Variants in FAM81A observed in about 807,000 individuals in gnomAD.
FAM81A encodes the protein protein FAM81A.
A neutral mutation model predicts 46.7 loss-of-function variants in FAM81A; 19 were observed. The ratio of observed to expected loss-of-function variants is 0.41; its 90% CI spans 0.28 to 0.60. The LOEUF (loss-of-function observed/expected upper bound fraction) is 0.60, where lower values mean the gene tolerates loss of function less well. Among genes scored for constraint, FAM81A ranks in the 20% least tolerant of loss-of-function variants. The probability of loss-of-function intolerance (pLI) is 0.34; values close to 1 mark genes in which losing one functional copy is unlikely to be tolerated. For synonymous variants in FAM81A, 183 were observed against 152.9 expected (o/e 1.20, Z -1.45); for missense variants, 377 against 453.5 (o/e 0.83, Z 1.53).
At chr15:59,445,893 C>CATA (rs1306244829) in intron 1 of FAM81A, among the ~76,000 whole-genome samples, 1 of 152,132 alleles carries the variant, frequency 6.6e-6, no homozygotes, top group Non-Finnish European at 1.5e-5. Flanking sequence ...TGCTGTTGAT[C>CATA]ATAATAAAAC....
rs1175997403 is a variant in FAM81A, at chr15:59,502,151, AT to A, written c.414-5055del. On this transcript the variant is annotated intron_variant, in intron 4 of 8. Coordinates refer to ENST00000288228, the MANE Select transcript of FAM81A (RefSeq NM_152450.3). ...AGTAAGAACATTATTTTTATTTTTT[AT>A]TTTTTTCTTTTTCTTTTTCTTTTTT... is the stretch of plus-strand genomic sequence containing the variant. 7.1e-4 allele frequency among the ~76,000 whole-genome samples: 104 copies of A among 145,928 alleles called. No homozygotes were observed. In the East Asian group the frequency reaches 0.015, roughly 21 times the overall value.
At chr15:59,451,555 T>C (rs2081419174) in intron 1 of FAM81A, among the ~76,000 whole-genome samples, 1 of 151,934 alleles carries the variant, frequency 6.6e-6, no homozygotes, top group South Asian at 2.1e-4. Flanking sequence ...TGGGTTCAAG[T>C]GATTCTTCTG....
intron 4 of FAM81A, among the ~76,000 whole-genome samples, chr15:59,506,602 G>A (rs553857030): frequency 6.6e-6 from 1 of 152,120 alleles, no homozygotes; most frequent in Non-Finnish European, 1.5e-5. Context: ...ACTCTTATGG[G>A]TCCATTCTGT....
chr15:59,492,121 C>G, intron 3 of FAM81A, 150 bp from the exon 4 acceptor site: 3 of 602,812 alleles, frequency 5.0e-6, no homozygotes, highest in South Asian at 4.2e-5. Flanking sequence ...CCCTAGTTCT[C>G]TGTTTAAGTG....
At chr15:59,424,643 A>G (rs1191560351) in intron 2 of FAM81A, among the ~76,000 whole-genome samples, 3 of 152,316 alleles carry the variant, frequency 2.0e-5, no homozygotes, top group Admixed American at 6.5e-5. Context: ...TGGCATCATT[A>G]TTTACCTATT....
intron 3 of FAM81A, among the ~76,000 whole-genome samples, chr15:59,473,615 C>T (rs1374369970): frequency 6.6e-6 from 1 of 152,162 alleles, no homozygotes; most frequent in African/African-American, 2.4e-5. Flanking sequence ...GCTCTGTTCC[C>T]TTTGCTTACG....
chr15:59,445,285 C>T (rs2081342462), intron 1 of FAM81A: 2 of 152,184 alleles, frequency 1.3e-5, no homozygotes, highest in Admixed American at 1.3e-4. Flanking sequence ...GCTGCCGTCG[C>T]TGAGTGTGGC....
chr15:59,434,709 A>G (rs2081235433), upstream of FAM81A, among the ~76,000 whole-genome samples: 1 of 152,218 alleles, frequency 6.6e-6, no homozygotes, highest in East Asian at 1.9e-4. Flanking sequence ...GAGAATGAAC[A>G]ACGTGTAACA....
chr15:59,401,797 T>C, intron 1 of FAM81A: 1 of 742,032 alleles, frequency 1.3e-6, no homozygotes, highest in East Asian at 2.4e-5. Context: ...GTGTTTCTCT[T>C]TTCATGCATC....
At chr15:59,514,489 A>G (rs1251006608) in intron 7 of FAM81A, 65 bp downstream of exon 7, 7 of 1,514,452 alleles carry the variant, frequency 4.6e-6, no homozygotes, top group Non-Finnish European at 6.2e-6. Flanking sequence ...CTGTTTGAAT[A>G]ATAATACCTA....
chr15:59,407,025 G>T (rs2081098113), intron 2 of FAM81A: 2 of 166,396 alleles, frequency 1.2e-5, no homozygotes. Flanking sequence ...GAGAGCCACA[G>T]ACTTGGGAGC....
intron 2 of FAM81A, among the ~76,000 whole-genome samples, chr15:59,422,488 A>T (rs553258354): frequency 4.6e-4 from 70 of 151,930 alleles, no homozygotes; most frequent in Non-Finnish European, 6.9e-4. Context: ...TTATTTATTT[A>T]TTTTTTGAGG....
intron 8 of FAM81A, among the ~76,000 whole-genome samples, chr15:59,518,562 G>A (rs376648004): frequency 6.6e-6 from 1 of 152,126 alleles, no homozygotes; most frequent in African/African-American, 2.4e-5. Flanking sequence ...CTGGCCTCAA[G>A]CAGTCCTCTT....
At chr15:59,407,387 TG>T in intron 2 of FAM81A, 1 of 144,906 alleles carries the variant, frequency 6.9e-6, no homozygotes, top group South Asian at 2.3e-4. Context: ...CTCCACCTCC[TG>T]GGTTCACGCT....
intron 4 of FAM81A, among the ~76,000 whole-genome samples, chr15:59,495,122 C>T (rs1346904593): frequency 6.6e-6 from 1 of 152,156 alleles, no homozygotes; most frequent in African/African-American, 2.4e-5. Context: ...GTAGTCATCA[C>T]CACAATCGAT....
intron 1 of FAM81A, among the ~76,000 whole-genome samples, chr15:59,451,363 G>A (rs2081416288): frequency 6.6e-6 from 1 of 152,164 alleles, no homozygotes; most frequent in African/African-American, 2.4e-5. Context: ...TACGGCTAAT[G>A]TCACTGGACC....
At chr15:59,437,277 G>A (rs760172647), upstream of FAM81A, among the ~76,000 whole-genome samples, 7 of 151,966 alleles carry the variant, frequency 4.6e-5, no homozygotes, top group Non-Finnish European at 1.0e-4. Context: ...GGCGGGGTGG[G>A]GGAGACAGAC....
At chr15:59,440,499 A>C (rs557971560) in intron 1 of FAM81A, among the ~76,000 whole-genome samples, 1 of 152,200 alleles carries the variant, frequency 6.6e-6, no homozygotes. Flanking sequence ...GTCTCTTGCC[A>C]GTGACTTTGG....
chr15:59,479,206 T>C (rs1255061214), intron 3 of FAM81A, among the ~76,000 whole-genome samples: 1 of 152,038 alleles, frequency 6.6e-6, no homozygotes, highest in Non-Finnish European at 1.5e-5. Flanking sequence ...AGAGTGACTG[T>C]GTGGCTGTCT....
Sources: gnomAD v4.1 joint callset for allele counts (sites outside exome capture counted in the v4.1 genomes callset) on GRCh38, gnomAD v4.1.1 for gene constraint, MANE v1.5 for transcripts, NCBI Gene and HGNC (gene_info 2026-07-23, HGNC 2026-07-21) for gene names.